Variants in PPARA observed in about 807,000 individuals in gnomAD.
The protein encoded by PPARA is peroxisome proliferator-activated receptor alpha.
A neutral mutation model predicts 42.2 loss-of-function variants in PPARA; 22 were observed. The ratio of observed to expected loss-of-function variants is 0.52; its 90% confidence interval spans 0.37 to 0.74. PPARA has a LOEUF of 0.74. Ranked by LOEUF, PPARA falls within the 30% of genes least tolerant of loss-of-function variation. The probability of loss-of-function intolerance (pLI) is 0.00; values close to 1 mark genes in which losing one functional copy is unlikely to be tolerated. For missense variants in PPARA, 465 were observed against 608.2 expected (o/e 0.76, Z 2.48); for synonymous variants, 242 against 239.3 (o/e 1.01, Z -0.10).
chr22:46,198,656 CTCT>C, intron 4 of PPARA, 65 bp downstream of exon 4: 8 of 1,000,786 alleles, frequency 8.0e-6, no homozygotes, highest in Non-Finnish European at 1.0e-5. Context: ...AAACTGTTCT[CTCT>C]TTTTTTTTTT....
chr22:46,218,953 G>A (rs1934762476), intron 6 of PPARA, among the ~76,000 whole-genome samples: 1 of 152,034 alleles, frequency 6.6e-6, no homozygotes, highest in African/African-American at 2.4e-5. Context: ...CTTGAGGTCA[G>A]GAGTTTGAGA....
At chr22:46,155,724 C>T (rs1051803896) in intron 2 of PPARA, 3 of 152,174 alleles carry the variant, frequency 2.0e-5, no homozygotes, top group African/African-American at 4.8e-5. Flanking sequence ...CCTTTAAGGC[C>T]ATGTGGTTAG....
intron 4 of PPARA, among the ~76,000 whole-genome samples, chr22:46,208,963 T>C (rs1339147123): frequency 1.3e-5 from 2 of 152,074 alleles, no homozygotes; most frequent in African/African-American, 4.8e-5. Context: ...TCTTCGTTCA[T>C]TAATGATCAT....
At position 46,182,047 on chromosome 22, in the gene PPARA, C is replaced by T. The variant is rs145954672; in HGVS notation, c.-43+5211C>T. ...TTTTAGTAGAGACGGGGTTTTGCCA[C>T]ATTGGCCAGGCTGGTCTTGAACTCC... is the stretch of plus-strand genomic sequence containing the variant. On this transcript the variant is annotated intron_variant, in intron 3 of 8. Transcript: ENST00000407236. The surrounding 1 kb of genome is among the most constrained non-coding windows in gnomAD (Gnocchi z 5.2). 6.6e-6 allele frequency among the ~76,000 whole-genome samples: 1 copy of T among 152,146 alleles called. No individual in the cohort carries two copies. The highest frequency in any genetic ancestry group is 1.9e-4 in the East Asian group (1 of 5,198).
rs1201038660 is a variant in PPARA, at chr22:46,183,479, C to T, written c.-43+6643C>T. Among the ~76,000 whole-genome samples, 2 of 152,220 alleles carry T rather than the reference C, an allele frequency of 1.3e-5. No homozygotes were observed. Among genetic ancestry groups the T allele is most frequent in the Non-Finnish European group, 2.9e-5 (2 of 68,040 alleles). ...TTATCAGGTCAGGCTCAATGGCTCA[C>T]GCCAGTAGTCCCAGCACTTTGCGGG... is the stretch of plus-strand genomic sequence containing the variant. On this transcript the variant is annotated intron_variant, in intron 3 of 8. Transcript: ENST00000407236. The surrounding 1 kb of genome is among the most constrained non-coding windows in gnomAD (Gnocchi z 5.5).
At chr22:46,223,038 T>C (rs965248750) in intron 7 of PPARA, among the ~76,000 whole-genome samples, 1 of 152,130 alleles carries the variant, frequency 6.6e-6, no homozygotes, top group African/African-American at 2.4e-5. Context: ...CACATGCCTA[T>C]AGTCCCCGCG....
At chr22:46,223,516 A>T (rs973589166) in intron 7 of PPARA, among the ~76,000 whole-genome samples, 2 of 151,414 alleles carry the variant, frequency 1.3e-5, no homozygotes, top group Admixed American at 6.6e-5. Flanking sequence ...GGTCGTGGGC[A>T]CCTGTAATCC....
rs9627217 is a variant in PPARA at position 46,224,066 on chromosome 22, C to T, written c.711+4052C>T. Among the ~76,000 whole-genome samples the T allele has an allele frequency of 0.01, 1,587 of 152,274 alleles. 23 individuals are homozygous for T. Among genetic ancestry groups the T allele is most frequent in the African/African-American group, 0.036 (1,499 of 41,548 alleles). ...CTTCCGAGAGTCAGATGCCCTCTTC[C>T]ACCCACACCCACAAAGCCAGAGCAC... On this transcript the variant is annotated intron_variant, in intron 7 of 8. Transcript: ENST00000407236. The surrounding 1 kb of genome is among the most constrained non-coding windows in gnomAD (Gnocchi z 5.7).
chr22:46,214,193 G>A (rs1569234049), intron 4 of PPARA, among the ~76,000 whole-genome samples: 1 of 152,210 alleles, frequency 6.6e-6, no homozygotes, highest in Non-Finnish European at 1.5e-5. Context: ...CTGTCAGTGC[G>A]GGGGCATGGG....
chr22:46,202,941 G>A lies in PPARA; in HGVS notation c.208+4350G>A, dbSNP rs1182185996. Among the ~76,000 whole-genome samples, 7 of 152,074 alleles carry A rather than the reference G, an allele frequency of 4.6e-5. No homozygotes were observed. The South Asian group carries it at 1.0e-3, about 23-fold the overall frequency. On this transcript the variant is annotated intron_variant, in intron 4 of 8. Coordinates refer to ENST00000407236, the MANE Select transcript of PPARA (RefSeq NM_005036.6). ...CAAATTTGTTCTGAACCAATTCCAA[G>A]GAACTTTATGGCACAAAGAAAAAAA...
chr22:46,155,946 G>A (rs1925243104), intron 2 of PPARA: 1 of 152,222 alleles, frequency 6.6e-6, no homozygotes, highest in South Asian at 2.1e-4. Flanking sequence ...GGATTTGCTC[G>A]TTACTCAGAG....
At position 46,173,944 on chromosome 22, in the gene PPARA, C is replaced by T. The variant is rs1319084368; in HGVS notation, c.-126-2809C>T. ...TATGGGCTAGGTGCAGTGGCTCATG[C>T]CTGTAATCCCAGCACTTTGGGAGGC... is the stretch of plus-strand genomic sequence containing the variant. On this transcript the variant is annotated intron_variant, in intron 2 of 8. Transcript: ENST00000407236. This position sits in a 1 kb window ranked among gnomAD's most constrained non-coding sequence, Gnocchi z 4.3. Among the ~76,000 whole-genome samples the T allele has an allele frequency of 1.3e-5, 2 of 151,646 alleles. No individual in the cohort carries two copies. The highest frequency in any genetic ancestry group is 6.6e-5 in the Admixed American group (1 of 15,214).
rs1936370695 is a variant in PPARA at position 46,241,556 on chromosome 22, G to A, written c.*6176G>A. ...GCCTTATCAGAACAGAAAGAGACAG[G>A]CTGGTGCCCAAGGCTGCTGCCTGCT... On this transcript the variant is annotated 3_prime_UTR_variant, in exon 9 of 9. Transcript: ENST00000407236. This position sits in a 1 kb window ranked among gnomAD's most constrained non-coding sequence, Gnocchi z 5.7. The A allele has an allele frequency of 6.6e-6, 1 of 152,200 alleles. No individual in the cohort carries two copies. The highest frequency in any genetic ancestry group is 1.5e-5 in the Non-Finnish European group (1 of 68,040). The allele number at this position is 152,200 out of a possible 1,614,324, so 9.4% of individuals were successfully genotyped here.
Position 46,161,145 on chromosome 22 carries a change from C to G in PPARA, c.-127+9175C>G, listed in dbSNP as rs1926104412. On this transcript the variant is annotated intron_variant, in intron 2 of 8. Coordinates refer to ENST00000407236, the MANE Select transcript of PPARA (RefSeq NM_005036.6). The surrounding 1 kb of genome is among the most constrained non-coding windows in gnomAD (Gnocchi z 4.8). ...GACTCAGAGAAAACCACGGCAGCTT[C>G]CATGGACTCATAAAAAGAGCTCAAA... Among the ~76,000 whole-genome samples, 1 of 152,130 alleles carries G rather than the reference C, an allele frequency of 6.6e-6. No homozygotes were observed. The highest frequency in any genetic ancestry group is 1.5e-5 in the Non-Finnish European group (1 of 68,020).
In PPARA at chr22:46,212,144, C is replaced by A. The variant is rs920703510; in HGVS notation, c.209-3029C>A. Reference sequence around the variant, plus strand: ...AATCTCAGCTCACTGTAGCCTCAGCCTCCCAGGGCTCAGGTGATCCTCCCA... The same window carrying A: ...AATCTCAGCTCACTGTAGCCTCAGCATCCCAGGGCTCAGGTGATCCTCCCA... On this transcript the variant is annotated intron_variant, in intron 4 of 8. Transcript: ENST00000407236. The surrounding 1 kb of genome is among the most constrained non-coding windows in gnomAD (Gnocchi z 4.2). 2.3e-4 allele frequency among the ~76,000 whole-genome samples: 35 copies of A among 152,116 alleles called. No individual in the cohort carries two copies. Among genetic ancestry groups the A allele is most frequent in the African/African-American group, 8.4e-4 (35 of 41,426 alleles).
chr22:46,187,917 T>C lies in PPARA; in HGVS notation c.-42-10425T>C, dbSNP rs958867856. Among the ~76,000 whole-genome samples the C allele has an allele frequency of 1.3e-5, 2 of 152,218 alleles. No homozygotes were observed. Among genetic ancestry groups the C allele is most frequent in the East Asian group, 3.8e-4 (2 of 5,200 alleles). On this transcript the variant is annotated intron_variant, in intron 3 of 8. Coordinates refer to ENST00000407236, the MANE Select transcript of PPARA (RefSeq NM_005036.6). This position sits in a 1 kb window ranked among gnomAD's most constrained non-coding sequence, Gnocchi z 4.9. ...GAAAGGACACTGCCTAACTTACAAATGAGGTCTACCTTAAGAGGCTTTGCA... is the reference window on the plus strand; with the variant it reads ...GAAAGGACACTGCCTAACTTACAAACGAGGTCTACCTTAAGAGGCTTTGCA...
rs1928077120 is a variant in PPARA, at chr22:46,171,759, G to A, written c.-126-4994G>A. Among the ~76,000 whole-genome samples the A allele has an allele frequency of 6.6e-6, 1 of 152,174 alleles. No individual in the cohort carries two copies. The highest frequency in any genetic ancestry group is 2.4e-5 in the African/African-American group (1 of 41,446). ...GTCAGGAGGTCCCAGGGGAGAGGCA[G>A]GACCAGTCTCGTGGAGGTCGGGGCC... On this transcript the variant is annotated intron_variant, in intron 2 of 8. Coordinates refer to ENST00000407236, the MANE Select transcript of PPARA (RefSeq NM_005036.6). This position sits in a 1 kb window ranked among gnomAD's most constrained non-coding sequence, Gnocchi z 5.0.
At position 46,235,633 on chromosome 22, in the gene PPARA, A is replaced by G; in HGVS notation, c.*253A>G. 1 of 522,760 alleles carries G rather than the reference A, an allele frequency of 1.9e-6. No homozygotes were observed. Among genetic ancestry groups the G allele is most frequent in the Non-Finnish European group, 3.5e-6 (1 of 288,858 alleles). The allele number at this position is 522,760 out of a possible 1,614,324, so 32.4% of individuals were successfully genotyped here. ...GGAAGATTACGGCGAATTATGCTCA[A>G]TGGTCTGATTTTAACTCACCCGATG... On this transcript the variant is annotated 3_prime_UTR_variant, in exon 9 of 9. Transcript: ENST00000407236. The surrounding 1 kb of genome is among the most constrained non-coding windows in gnomAD (Gnocchi z 7.0).
chr22:46,173,940 C>T lies in PPARA; in HGVS notation c.-126-2813C>T, dbSNP rs1003380997. Among the ~76,000 whole-genome samples the T allele has an allele frequency of 6.6e-6, 1 of 151,454 alleles. No individual in the cohort carries two copies. The highest frequency in any genetic ancestry group is 2.4e-5 in the African/African-American group (1 of 40,854). Reference sequence around the variant, plus strand: ...AAATTATGGGCTAGGTGCAGTGGCTCATGCCTGTAATCCCAGCACTTTGGG... The same window carrying T: ...AAATTATGGGCTAGGTGCAGTGGCTTATGCCTGTAATCCCAGCACTTTGGG... On this transcript the variant is annotated intron_variant, in intron 2 of 8. Coordinates refer to ENST00000407236, the MANE Select transcript of PPARA (RefSeq NM_005036.6). The surrounding 1 kb of genome is among the most constrained non-coding windows in gnomAD (Gnocchi z 4.3).
Sources: allele counts gnomAD v4.1 joint callset (sites outside exome capture counted in the v4.1 genomes callset), GRCh38; gene constraint gnomAD v4.1.1; non-coding constraint Gnocchi (gnomAD v3.1); transcripts MANE v1.5; gene names NCBI Gene and HGNC (gene_info 2026-07-23, HGNC 2026-07-21).